The following TBC1D1 variants were observed in gnomAD, a reference collection of about 807,000 sequenced individuals.
The protein encoded by TBC1D1 is TBC1 (tre-2/USP6, BUB2, cdc16) domain family, member 1.
In TBC1D1, 89 loss-of-function variants were observed where a neutral mutation model predicts 125.6. That is an observed-to-expected ratio of 0.71 (90% confidence interval 0.60 to 0.85). TBC1D1 has a LOEUF of 0.85. TBC1D1 is among the 40% of genes least tolerant of loss of function. The pLI, the probability that TBC1D1 is intolerant of heterozygous loss-of-function variation, is 0.00. For synonymous variants in TBC1D1, 565 were observed against 564.1 expected (o/e 1.00, Z -0.02); for missense variants, 1,377 against 1,469.2 (o/e 0.94, Z 1.03).
At position 38,138,421 on chromosome 4, in the gene TBC1D1, A is replaced by C. The variant is rs189248409; in HGVS notation, c.*1086A>C. On this transcript the variant is annotated 3_prime_UTR_variant, in exon 20 of 20. Transcript: ENST00000261439. ...GACTTCTTGCAGAAGGAGTAGGCAC[A>C]TCAAGATATTCAGGGGTGCCCCAAG... 6.5e-6 allele frequency: 1 copy of C among 152,710 alleles called. No homozygotes were observed. Among genetic ancestry groups the C allele is most frequent in the East Asian group, 1.9e-4 (1 of 5,184 alleles). The allele number at this position is 152,710 out of a possible 1,614,324, so 9.5% of individuals were successfully genotyped here.
intron 18 of TBC1D1, 82 bp downstream of exon 20, chr4:38,125,213 T>C: frequency 2.9e-6 from 4 of 1,385,190 alleles, no homozygotes; most frequent in African/African-American, 1.4e-5. Flanking sequence ...CAGGAACTGT[T>C]TCCTACCACT....
In TBC1D1 at chr4:38,089,971, T is replaced by A; in HGVS notation, c.2090T>A (p.Leu697Ter). Reference sequence around the variant, plus strand: ...GGAGAGCTTCCCCCACGATCTCCTTTAGAACCAGTTTGTGAAGATGGGCCC... The same window carrying A: ...GGAGAGCTTCCCCCACGATCTCCTTAAGAACCAGTTTGTGAAGATGGGCCC... The change falls in exon 13 of 20, where the codon TTA (leucine) becomes TAA (stop). Residue 697 changes from leucine to a stop codon, truncating the protein, a stop_gained. Transcript: ENST00000261439. LOFTEE classifies it high-confidence loss of function. 1 of 1,613,340 alleles carries A rather than the reference T, an allele frequency of 6.2e-7. No individual in the cohort carries two copies. The highest frequency in any genetic ancestry group is 8.5e-7 in the Non-Finnish European group (1 of 1,179,758).
intron 2 of TBC1D1, among the ~76,000 whole-genome samples, chr4:37,954,874 T>C (rs1728612719): frequency 1.4e-5 from 2 of 147,104 alleles, no homozygotes; most frequent in African/African-American, 5.0e-5. Context: ...GGATTTTTTT[T>C]TTTTTTGAAA....
At chr4:37,913,659 A>G (rs1194617219) in intron 2 of TBC1D1, among the ~76,000 whole-genome samples, 1 of 151,538 alleles carries the variant, frequency 6.6e-6, no homozygotes, top group Non-Finnish European at 1.5e-5. Context: ...GTGTGTATAT[A>G]TATATATAGG....
intron 2 of TBC1D1, among the ~76,000 whole-genome samples, chr4:38,004,208 C>T (rs181271954): frequency 1.2e-4 from 18 of 152,326 alleles, no homozygotes; most frequent in African/African-American, 2.9e-4. Flanking sequence ...TGACCAGCAA[C>T]GAGAGTTCAT....
intron 2 of TBC1D1, among the ~76,000 whole-genome samples, chr4:38,003,267 A>T (rs922358522): frequency 6.6e-6 from 1 of 152,058 alleles, no homozygotes; most frequent in African/African-American, 2.4e-5. Flanking sequence ...TGGTTTTCAC[A>T]CTCTGTTCCT....
chr4:38,030,070 A>G (rs1034005480), intron 7 of TBC1D1, among the ~76,000 whole-genome samples: 1 of 152,212 alleles, frequency 6.6e-6, no homozygotes, highest in Non-Finnish European at 1.5e-5. Flanking sequence ...CCATCTTTCT[A>G]TCAAGAATAG....
intron 2 of TBC1D1, among the ~76,000 whole-genome samples, chr4:37,950,363 T>C (rs899699232): frequency 6.6e-6 from 1 of 152,014 alleles, no homozygotes; most frequent in Non-Finnish European, 1.5e-5. Context: ...TAATAGAGGA[T>C]TTCTTATTAT....
rs1737031881 is a variant in TBC1D1 at position 38,054,213 on chromosome 4, A to C, written c.1925A>C (p.Lys642Thr). 6.2e-7 allele frequency: 1 copy of C among 1,614,156 alleles called. No homozygotes were observed. Among genetic ancestry groups the C allele is most frequent in the Non-Finnish European group, 8.5e-7 (1 of 1,179,974 alleles). Residue 642 changes from lysine to threonine, a missense_variant, in exon 12 of 20, where the codon AAA (lysine) becomes ACA (threonine). By Grantham distance (78) the Lys-to-Thr change is moderately conservative. Coordinates refer to ENST00000261439, the MANE Select transcript of TBC1D1 (RefSeq NM_015173.4). ...TATAATTTTAGGGACTTTGAATCCA[A>C]AGCAAACCATCTTGGTGATTCTGGT...
intron 6 of TBC1D1, among the ~76,000 whole-genome samples, chr4:38,027,173 G>A (rs1745229009): frequency 6.6e-6 from 1 of 152,184 alleles, no homozygotes; most frequent in Admixed American, 6.5e-5. Flanking sequence ...AGCTCTCTGG[G>A]TCTTAGTTTT....
At chr4:38,044,532 T>G in intron 9 of TBC1D1, 42 bp downstream of exon 9, 1 of 1,582,940 alleles carries the variant, frequency 6.3e-7, no homozygotes, top group South Asian at 1.2e-5. Context: ...AAATCACTTT[T>G]TAGGAGAGTG....
Position 38,014,477 on chromosome 4 carries a change from G to A in TBC1D1, c.418-32G>A, listed in dbSNP as rs1427204059. 1.2e-6 allele frequency: 2 copies of A among 1,600,084 alleles called. No individual in the cohort carries two copies. The highest frequency in any genetic ancestry group is 3.3e-5 in the Admixed American group (2 of 59,770). Reference sequence around the variant, plus strand: ...TCCGTGAGTGCCAGCCACACTGCATGTTCCAAATAACACGCCTCTCTCTCT... The same window carrying A: ...TCCGTGAGTGCCAGCCACACTGCATATTCCAAATAACACGCCTCTCTCTCT... On this transcript the variant is annotated intron_variant, in intron 2 of 19. Coordinates refer to ENST00000261439, the MANE Select transcript of TBC1D1 (RefSeq NM_015173.4). This position sits in a 1 kb window ranked among gnomAD's most constrained non-coding sequence, Gnocchi z 5.1.
rs1274316585 is a variant in TBC1D1 at position 38,089,309 on chromosome 4, T to C, written c.2051-623T>C. Among the ~76,000 whole-genome samples, 3 of 152,238 alleles carry C rather than the reference T, an allele frequency of 2.0e-5. No individual in the cohort carries two copies. In the East Asian group the frequency reaches 5.8e-4, roughly 29 times the overall value. ...GCCCAGCGCAGTGCCCAGCACGTGG[T>C]AGAAGGTCTGCTAGTGGTTACTGTT... On this transcript the variant is annotated intron_variant, in intron 12 of 19. Transcript: ENST00000261439.
intron 2 of TBC1D1, among the ~76,000 whole-genome samples, chr4:37,908,047 T>G (rs1717710076): frequency 6.6e-6 from 1 of 152,102 alleles, no homozygotes; most frequent in Admixed American, 6.5e-5. Context: ...ATGGTGCTGT[T>G]TTACATCAGT....
At chr4:38,005,006 G>C (rs528006939) in intron 2 of TBC1D1, among the ~76,000 whole-genome samples, 22 of 151,922 alleles carry the variant, frequency 1.4e-4, no homozygotes, top group East Asian at 9.7e-4. Flanking sequence ...CTGGCAGGGA[G>C]GGGGAGGGAG....
intron 8 of TBC1D1, among the ~76,000 whole-genome samples, chr4:38,038,076 A>ATACCC (rs1264800321): frequency 6.6e-6 from 1 of 152,168 alleles, no homozygotes; most frequent in Non-Finnish European, 1.5e-5. Flanking sequence ...AAGTTTTTTG[A>ATACCC]GGTAGGTGGT....
At chr4:37,913,629 A>G (rs146792615) in intron 2 of TBC1D1, among the ~76,000 whole-genome samples, 7 of 124,422 alleles carry the variant, frequency 5.6e-5, no homozygotes, top group East Asian at 2.4e-4. Context: ...ATATGTGTGT[A>G]TATATATATA....
rs1751086707 is a variant in TBC1D1 at position 38,053,331 on chromosome 4, T to A, written c.1911-868T>A. On this transcript the variant is annotated intron_variant, in intron 11 of 19. Coordinates refer to ENST00000261439, the MANE Select transcript of TBC1D1 (RefSeq NM_015173.4). ...CTATTTTGCCATTTAAAAAATCATT[T>A]CAGCTAAATCTGTTGTATCTTCTTT... 3 of 984,422 alleles carry A rather than the reference T, an allele frequency of 3.0e-6. No individual in the cohort carries two copies. The East Asian group carries it at 1.0e-4, about 33-fold the overall frequency. 61.0% of individuals were successfully genotyped at this position (984,422 alleles called of 1,614,324 possible).
Position 37,939,372 on chromosome 4 carries a change from TG to T in TBC1D1, c.417+36861del, listed in dbSNP as rs761364726. Among the ~76,000 whole-genome samples the T allele has an allele frequency of 3.5e-3, 536 of 152,336 alleles. 1 individual carries two copies. The highest frequency in any genetic ancestry group is 6.3e-3 in the Non-Finnish European group (426 of 68,026). ...TCCTTTGCCCACTTTTTGATAGGGTTGTTTTTTTCTTGTAAATTTGTTTGAG... is the reference window on the plus strand; with the variant it reads ...TCCTTTGCCCACTTTTTGATAGGGTTTTTTTTTCTTGTAAATTTGTTTGAG... On this transcript the variant is annotated intron_variant, in intron 2 of 19. Transcript: ENST00000261439.
Sources: gnomAD v4.1 joint callset for allele counts (sites outside exome capture counted in the v4.1 genomes callset) on GRCh38, gnomAD v4.1.1 for gene constraint, Gnocchi (gnomAD v3.1) non-coding constraint, MANE v1.5 for transcripts, NCBI Gene and HGNC (gene_info 2026-07-23, HGNC 2026-07-21) for gene names.